MAP2K1: variants seen among roughly 807,000 people sequenced by gnomAD.
MAP2K1 encodes the protein dual specificity mitogen-activated protein kinase kinase 1.
A neutral mutation model predicts 46.3 loss-of-function variants in MAP2K1; 16 were observed. That is an observed-to-expected ratio of 0.35 (90% CI 0.23 to 0.52). MAP2K1 has a LOEUF of 0.52. Ranked by LOEUF, MAP2K1 falls within the 20% of genes least tolerant of loss-of-function variation. The probability of loss-of-function intolerance (pLI) is 0.94; values close to 1 mark genes in which losing one functional copy is unlikely to be tolerated. For synonymous variants in MAP2K1, 183 were observed against 185.6 expected (o/e 0.99, Z 0.11); for missense variants, 263 against 497.1 (o/e 0.53, Z 4.48).
chr15:66,484,685 C>A lies in MAP2K1; in HGVS notation c.694-305C>A, dbSNP rs190994100. Among the ~76,000 whole-genome samples the A allele has an allele frequency of 4.1e-3, 558 of 134,526 alleles. 2 individuals are homozygous for A. The highest frequency in any genetic ancestry group is 0.022 in the African/African-American group (533 of 24,768). 88.3% of individuals were successfully genotyped at this position (134,526 alleles called of 152,430 possible). The stretch of plus-strand genomic sequence containing the variant: ...TGCCCTGCGTGTGCAAGACTGTGGC[C>A]AAGCTGGGTAAAGCTGGAACCACAG... On this transcript the variant is annotated intron_variant, in intron 6 of 10. Transcript: ENST00000307102.
At position 66,440,043 on chromosome 15, in the gene MAP2K1, C is replaced by T. The variant is rs537282455; in HGVS notation, c.438+3151C>T. On this transcript the variant is annotated intron_variant, in intron 3 of 10. Coordinates refer to ENST00000307102, the MANE Select transcript of MAP2K1 (RefSeq NM_002755.4). ...CTTATGTTTTGAGATATTTGGTTTA[C>T]CATATATCCATTTCTCCGATCAATT... Among the ~76,000 whole-genome samples the T allele has an allele frequency of 5.3e-5, 8 of 152,116 alleles. No homozygotes were observed. In the South Asian group the frequency reaches 1.7e-3, roughly 32 times the overall value.
intron 5 of MAP2K1, chr15:66,446,742 A>ATAGCC (rs1468163722): frequency 1.4e-5 from 5 of 346,626 alleles, no homozygotes; most frequent in African/African-American, 1.1e-4. Flanking sequence ...TACCCTGCTT[A>ATAGCC]TAGCCGGCAA....
intron 5 of MAP2K1, among the ~76,000 whole-genome samples, chr15:66,456,610 A>T (rs1892170912): frequency 6.6e-6 from 1 of 152,204 alleles, no homozygotes; most frequent in South Asian, 2.1e-4. Context: ...TCCCAGAGAA[A>T]GTACTCCACC....
Position 66,387,225 on chromosome 15 carries a change from A to G in MAP2K1, c.-123A>G, listed in dbSNP as rs1256765067. 5.3e-6 allele frequency: 4 copies of G among 747,692 alleles called. No individual in the cohort carries two copies. The highest frequency in any genetic ancestry group is 1.9e-5 in the African/African-American group (1 of 53,122). 46.3% of individuals were successfully genotyped at this position (747,692 alleles called of 1,614,324 possible). ...GGACCGCGCGGGGCGCACCCGCTGA[A>G]GGCAGCCCCGGGGCCCGCGGCCCGG... On this transcript the variant is annotated 5_prime_UTR_variant, in exon 1 of 11. Coordinates refer to ENST00000307102, the MANE Select transcript of MAP2K1 (RefSeq NM_002755.4).
chr15:66,485,717 C>T (rs1032859722), intron 7 of MAP2K1, among the ~76,000 whole-genome samples: 2 of 152,114 alleles, frequency 1.3e-5, no homozygotes, highest in Non-Finnish European at 2.9e-5. Context: ...TAGCTGGGAC[C>T]ACAGTCACAT....
intron 1 of MAP2K1, among the ~76,000 whole-genome samples, chr15:66,433,209 C>T (rs1311965716): frequency 6.6e-6 from 1 of 152,126 alleles, no homozygotes; most frequent in African/African-American, 2.4e-5. Flanking sequence ...GTTCTGGGTT[C>T]CCACACCTTA....
chr15:66,403,096 G>A (rs1008231721), intron 1 of MAP2K1, among the ~76,000 whole-genome samples: 2 of 152,180 alleles, frequency 1.3e-5, no homozygotes, highest in African/African-American at 4.8e-5. Flanking sequence ...ACCTAGAGAG[G>A]TGTGAATTTG....
At chr15:66,467,899 A>T (rs571209006) in intron 5 of MAP2K1, among the ~76,000 whole-genome samples, 41 of 152,348 alleles carry the variant, frequency 2.7e-4, no homozygotes, top group African/African-American at 9.9e-4. Flanking sequence ...GGCTGGGTTT[A>T]TAGTTTTGTA....
chr15:66,427,058 T>C (rs2093461090), intron 1 of MAP2K1, among the ~76,000 whole-genome samples: 1 of 152,212 alleles, frequency 6.6e-6, no homozygotes, highest in Admixed American at 6.5e-5. Context: ...TCTTTGAGAA[T>C]GCGTAAGTTC....
intron 1 of MAP2K1, among the ~76,000 whole-genome samples, chr15:66,400,165 CA>C (rs928329875): frequency 3.3e-5 from 5 of 150,032 alleles, no homozygotes; most frequent in Non-Finnish European, 4.4e-5. Context: ...AACAAACTAG[CA>C]AAAAAAAACC....
chr15:66,407,520 G>T (rs911633439), intron 1 of MAP2K1, among the ~76,000 whole-genome samples: 1 of 152,178 alleles, frequency 6.6e-6, no homozygotes, highest in African/African-American at 2.4e-5. Flanking sequence ...CTGCAAAGTG[G>T]GAGTGATGGT....
Position 66,387,400 on chromosome 15 carries a change from C to A in MAP2K1, c.53C>A (p.Ser18Tyr). 1 of 1,564,116 alleles carries A rather than the reference C, an allele frequency of 6.4e-7. No homozygotes were observed. Among genetic ancestry groups the A allele is most frequent in the East Asian group, 2.4e-5 (1 of 42,340 alleles). The change falls in exon 1 of 11, where the codon TCT becomes TAT. Residue 18 changes from serine (S) to tyrosine (Y), a missense_variant. Ser to Tyr is a moderately radical substitution (Grantham distance 144, BLOSUM62 -2). This residue lies in a region of MAP2K1 where 31 missense variants were observed against 29.9 expected (regional missense o/e 1.04). Coordinates refer to ENST00000307102, the MANE Select transcript of MAP2K1 (RefSeq NM_002755.4). ...PIQLNPAPDG[S>Y]AVNGTSSAET... ...CAGCTGAACCCGGCCCCCGACGGCTCTGCAGTTAACGGGACCAGCTCTGCG... is the reference window on the plus strand; with the variant it reads ...CAGCTGAACCCGGCCCCCGACGGCTATGCAGTTAACGGGACCAGCTCTGCG...
chr15:66,490,962 C>T lies in MAP2K1; in HGVS notation c.*347C>T. The T allele has an allele frequency of 2.3e-6, 1 of 437,048 alleles. No homozygotes were observed. The highest frequency in any genetic ancestry group is 4.2e-6 in the Non-Finnish European group (1 of 235,874). 27.1% of individuals were successfully genotyped at this position (437,048 alleles called of 1,614,324 possible). On this transcript the variant is annotated 3_prime_UTR_variant, in exon 11 of 11. Transcript: ENST00000307102. ...TTCCTGCTCCATGACTGGCTGTCTG[C>T]CTGTATTTTCGGGATTCTTTGACAT...
intron 5 of MAP2K1, among the ~76,000 whole-genome samples, chr15:66,468,283 C>A (rs1340521114): frequency 6.6e-6 from 1 of 151,776 alleles, no homozygotes; most frequent in Non-Finnish European, 1.5e-5. Flanking sequence ...TTTTTTCCCC[C>A]CTTCTGTCTA....
At chr15:66,415,127 A>G (rs1290643514) in intron 1 of MAP2K1, 1 of 524,646 alleles carries the variant, frequency 1.9e-6, no homozygotes, top group South Asian at 1.4e-5. Context: ...TCCTGCATCA[A>G]GCTCCAGCTT....
At chr15:66,419,291 G>T (rs1004343022) in intron 1 of MAP2K1, among the ~76,000 whole-genome samples, 2 of 151,938 alleles carry the variant, frequency 1.3e-5, no homozygotes, top group African/African-American at 4.8e-5. Context: ...AGGCCGAGGC[G>T]GATGGATCAC....
chr15:66,489,083 T>C (rs766436014), intron 8 of MAP2K1, 132 bp from the exon 9 acceptor site: 2 of 745,772 alleles, frequency 2.7e-6, no homozygotes, highest in African/African-American at 1.7e-5. Flanking sequence ...TGGATGAGAG[T>C]AGTACTGCCT....
chr15:66,490,002 A>G (rs1042488731), intron 10 of MAP2K1: 8 of 596,912 alleles, frequency 1.3e-5, no homozygotes, highest in African/African-American at 1.3e-4. Flanking sequence ...TGAGGGGGCC[A>G]TGGGAAAGAA....
chr15:66,457,116 T>G lies in MAP2K1; in HGVS notation c.568+12409T>G, dbSNP rs533981659. Among the ~76,000 whole-genome samples the G allele has an allele frequency of 3.1e-5, 3 of 97,914 alleles. No individual in the cohort carries two copies. In the South Asian group the frequency reaches 1.3e-3, roughly 43 times the overall value. The allele number at this position is 97,914 out of a possible 152,430, so 64.2% of individuals were successfully genotyped here. On this transcript the variant is annotated intron_variant, in intron 5 of 10. Coordinates refer to ENST00000307102, the MANE Select transcript of MAP2K1 (RefSeq NM_002755.4). Reference sequence around the variant, plus strand: ...ATGTAACAATTATACAAAATTCAATTTATTATTATTTTTATTTTTTGAGAC... The same window carrying G: ...ATGTAACAATTATACAAAATTCAATGTATTATTATTTTTATTTTTTGAGAC...
Sources: allele counts gnomAD v4.1 joint callset (sites outside exome capture counted in the v4.1 genomes callset), GRCh38; gene constraint gnomAD v4.1.1; regional missense constraint gnomAD v4.1.1; transcripts MANE v1.5; gene names NCBI Gene and HGNC (gene_info 2026-07-23, HGNC 2026-07-21).